The following FAM9B variants were observed in gnomAD, a reference collection of about 807,000 sequenced individuals.
FAM9B encodes family with sequence similarity 9 member B.
A neutral mutation model predicts 16.6 loss-of-function variants in FAM9B; 18 were observed. The observed-to-expected ratio is 1.09, with a 90% CI of 0.75 to 1.61. The LOEUF (loss-of-function observed/expected upper bound fraction) is 1.61. Ranked by LOEUF, FAM9B falls within the 40% of genes most tolerant of loss-of-function variation. The probability of loss-of-function intolerance (pLI) is 0.00; values close to 1 mark genes in which losing one functional copy is unlikely to be tolerated. For synonymous variants in FAM9B, 43 were observed against 42.6 expected (o/e 1.01, Z -0.03); for missense variants, 155 against 136.0 (o/e 1.14, Z -0.70).
intron 7 of FAM9B, among the ~76,000 whole-genome samples, 187 bp from the exon 8 acceptor site, chrX:9,025,770 A>G (rs1453318511): frequency 8.9e-6 from 1 of 112,358 alleles, no homozygotes; most frequent in Non-Finnish European, 1.9e-5. Context: ...TTAATGCCAG[A>G]TTTCAGTGAC....
At chrX:9,032,775 G>A (rs1921123442) in intron 2 of FAM9B, 184 bp downstream of exon 2, 1 of 642,721 alleles carries the variant, frequency 1.6e-6, no homozygotes, top group Non-Finnish European at 2.3e-6. Context: ...AGCCTTCCAC[G>A]GGGAAGCCTA....
At chrX:9,032,548 T>G (rs1602138901) in intron 2 of FAM9B, 87 bp from the exon 3 acceptor site, 1 of 276,324 alleles carries the variant, frequency 3.6e-6, no homozygotes, top group East Asian at 1.0e-4. Flanking sequence ...AGTTGTAGAC[T>G]TTTTTGGGGG....
chrX:9,027,855 AAATAG>A lies in FAM9B; in HGVS notation c.492+8_492+12del. 8.4e-7 allele frequency: 1 copy of A among 1,185,807 alleles called. No individual in the cohort carries two copies. Among genetic ancestry groups the A allele is most frequent in the Non-Finnish European group, 1.1e-6 (1 of 872,084 alleles). Reference sequence around the variant, plus strand: ...GTATTTTATAATGTATTATGTTACCAAATAGAACAGACCTTTACGAATTGGTCACG... The same window carrying A: ...GTATTTTATAATGTATTATGTTACCAAACAGACCTTTACGAATTGGTCACG... On this transcript the variant is annotated splice_region_variant and intron_variant, in intron 7 of 8. Transcript: ENST00000327220.
At chrX:9,027,182 C>T (rs763236926) in intron 7 of FAM9B, among the ~76,000 whole-genome samples, 2 of 112,160 alleles carry the variant, frequency 1.8e-5, no homozygotes, top group African/African-American at 6.5e-5. Flanking sequence ...TTCTGTTATA[C>T]ATCTGAACCA....
chrX:9,026,034 TA>T (rs1334679593), intron 7 of FAM9B, among the ~76,000 whole-genome samples: 3 of 111,967 alleles, frequency 2.7e-5, no homozygotes, highest in Non-Finnish European at 5.6e-5. Flanking sequence ...GTGTTTGAAA[TA>T]TATACTCTTT....
At chrX:9,029,210 C>T in intron 6 of FAM9B, 97 bp downstream of exon 6, 1 of 723,432 alleles carries the variant, frequency 1.4e-6, no homozygotes, top group Non-Finnish European at 2.1e-6. Flanking sequence ...TCTCTGGGCT[C>T]ATGCGCTCTT....
Position 9,032,369 on chromosome X carries a change from G to A in FAM9B, c.121C>T (p.Pro41Ser). The change falls in exon 3 of 9, where the codon CCT (proline) becomes TCT (serine). Residue 41 changes from proline (P) to serine (S), a missense_variant. Pro to Ser is a moderately conservative substitution (Grantham distance 74). Transcript: ENST00000327220. ...GTGTGTTCATCTGTTTCAGCAAAAG[G>A]TTCTCTTTCCCCATGCTCATCAGTT... ...DVTDEHGERE[P>S]FAETDEHTGA... 8.3e-7 allele frequency: 1 copy of A among 1,211,515 alleles called. No individual in the cohort carries two copies. The highest frequency in any genetic ancestry group is 1.1e-6 in the Non-Finnish European group (1 of 895,477).
In FAM9B at chrX:9,033,954, T is replaced by C. The variant is rs965718854; in HGVS notation, c.-192A>G. 8.2e-5 allele frequency: 60 copies of C among 734,591 alleles called. No individual in the cohort carries two copies. The highest frequency in any genetic ancestry group is 9.5e-5 in the Non-Finnish European group (59 of 623,540). The allele number at this position is 734,591 out of a possible 1,213,427, so 60.5% of individuals were successfully genotyped here. On this transcript the variant is annotated 5_prime_UTR_variant, in exon 1 of 9. Transcript: ENST00000327220. ...TCTCAGGAAGCTGAGGCAGGAGAAT[T>C]GCTTGAACCCAGGAGGCGGAGGTTG... is the stretch of plus-strand genomic sequence containing the variant.
intron 2 of FAM9B, 25 bp from the exon 3 acceptor site, chrX:9,032,486 C>A (rs772897944): frequency 1.3e-5 from 16 of 1,193,241 alleles, no homozygotes; most frequent in Middle Eastern, 4.7e-4. Flanking sequence ...AAAAGACAAA[C>A]CTTTTTTAGA....
chrX:9,025,326 A>T lies in FAM9B; in HGVS notation c.*83T>A. 1 of 359,611 alleles carries T rather than the reference A, an allele frequency of 2.8e-6. No homozygotes were observed. Among genetic ancestry groups the T allele is most frequent in the Non-Finnish European group, 4.9e-6 (1 of 205,797 alleles). 29.6% of individuals were successfully genotyped at this position (359,611 alleles called of 1,213,427 possible). On this transcript the variant is annotated 3_prime_UTR_variant, in exon 9 of 9. Transcript: ENST00000327220. Reference sequence around the variant, plus strand: ...GGTTCAAGTTCTTTCTTCAGTCATCAGAATAACAGAGGTTGAAGAGACAAC... The same window carrying T: ...GGTTCAAGTTCTTTCTTCAGTCATCTGAATAACAGAGGTTGAAGAGACAAC...
At chrX:9,027,487 C>T (rs1484789067) in intron 7 of FAM9B, among the ~76,000 whole-genome samples, 1 of 111,177 alleles carries the variant, frequency 9.0e-6, no homozygotes, top group East Asian at 2.8e-4. Flanking sequence ...GAACGCTAAG[C>T]TTGTGGGAAT....
At chrX:9,029,087 C>A (rs951394822) in intron 6 of FAM9B, among the ~76,000 whole-genome samples, 1 of 111,847 alleles carries the variant, frequency 8.9e-6, no homozygotes, top group Non-Finnish European at 1.9e-5. Flanking sequence ...CACAAATATG[C>A]CAACTGGGCT....
intron 7 of FAM9B, 78 bp downstream of exon 7, chrX:9,027,790 A>C: frequency 1.2e-6 from 1 of 800,938 alleles, no homozygotes; most frequent in East Asian, 3.2e-5. Context: ...CTTTCCATAC[A>C]TTCAGAAACA....
chrX:9,027,174 C>T (rs1232291002), intron 7 of FAM9B, among the ~76,000 whole-genome samples: 1 of 112,098 alleles, frequency 8.9e-6, no homozygotes, highest in East Asian at 2.8e-4. Flanking sequence ...CTTTCCCATT[C>T]TGTTATACAT....
intron 7 of FAM9B, 36 bp from the exon 8 acceptor site, chrX:9,025,619 A>G (rs761732729): frequency 3.9e-5 from 41 of 1,058,588 alleles, no homozygotes; most frequent in Non-Finnish European, 3.1e-5. Flanking sequence ...ACAAACCACC[A>G]CTTTATATCT....
chrX:9,026,420 T>C (rs1920967123), intron 7 of FAM9B, among the ~76,000 whole-genome samples: 1 of 110,536 alleles, frequency 9.0e-6, no homozygotes. Context: ...GAGGGGGTCA[T>C]GTAAAGGGGA....
At position 9,024,770 on chromosome X, in the gene FAM9B, C is replaced by T. The variant is rs1293078659; in HGVS notation, c.*639G>A. On this transcript the variant is annotated 3_prime_UTR_variant, in exon 9 of 9. Transcript: ENST00000327220. ...AATCTTGGCTTACTGCAACCTCCAA[C>T]TCCCGGGTTCAAGAGATCCTCCTGC... The T allele has an allele frequency of 1.8e-5, 2 of 112,387 alleles. No individual in the cohort carries two copies. Among genetic ancestry groups the T allele is most frequent in the Non-Finnish European group, 3.7e-5 (2 of 53,336 alleles). 9.3% of individuals were successfully genotyped at this position (112,387 alleles called of 1,213,427 possible).
Position 9,032,014 on chromosome X carries a change from T to C in FAM9B, c.181+116A>G, listed in dbSNP as rs2146825086. On this transcript the variant is annotated intron_variant, in intron 4 of 8. Transcript: ENST00000327220. ...TACATTAAATACGTACGTTAAATGC[T>C]ACATATGAGAAGCCATTTAAGACAG... 5 of 612,750 alleles carry C rather than the reference T, an allele frequency of 8.2e-6. No individual in the cohort carries two copies. The South Asian group carries it at 1.1e-4, about 13-fold the overall frequency. The allele number at this position is 612,750 out of a possible 1,213,427, so 50.5% of individuals were successfully genotyped here.
In FAM9B at chrX:9,030,379, A is replaced by C; in HGVS notation, c.182-19T>G. On this transcript the variant is annotated intron_variant, in intron 4 of 8. Transcript: ENST00000327220. Reference sequence around the variant, plus strand: ...AGATCCTCTTTAATGTCAGTTAGATAGTAAATGAAAATGGATTAAAAGTTA... The same window carrying C: ...AGATCCTCTTTAATGTCAGTTAGATCGTAAATGAAAATGGATTAAAAGTTA... 1 of 1,123,321 alleles carries C rather than the reference A, an allele frequency of 8.9e-7. No individual in the cohort carries two copies. The highest frequency in any genetic ancestry group is 1.2e-6 in the Non-Finnish European group (1 of 833,522). 92.6% of individuals were successfully genotyped at this position (1,123,321 alleles called of 1,213,427 possible).
Sources: allele counts gnomAD v4.1 joint callset (sites outside exome capture counted in the v4.1 genomes callset), GRCh38; gene constraint gnomAD v4.1.1; transcripts MANE v1.5; gene names NCBI Gene and HGNC (gene_info 2026-07-23, HGNC 2026-07-21).